The following TMEM69 variants were observed in gnomAD, a reference collection of about 807,000 sequenced individuals.
The protein encoded by TMEM69 is chromosome 1 open reading frame 154.
In TMEM69, 17 loss-of-function variants were observed where a neutral mutation model predicts 15.8. The observed-to-expected ratio is 1.07, with a 90% CI of 0.73 to 1.61. The LOEUF is 1.61. Ranked by LOEUF, TMEM69 falls within the 40% of genes most tolerant of loss-of-function variation. The pLI is 0.00. For missense variants in TMEM69, 230 were observed against 286.1 expected, an observed-to-expected ratio of 0.80 and a Z score of 1.41; for synonymous variants, 80 against 98.6, an observed-to-expected ratio of 0.81 and a Z score of 1.12.
intron 1 of TMEM69, among the ~76,000 whole-genome samples, chr1:45,688,688 A>G (rs754814481): frequency 5.3e-4 from 80 of 152,126 alleles, no homozygotes; most frequent in Middle Eastern, 3.4e-3. Flanking sequence ...CCTTAAGAAG[A>G]AAGTGATTTT....
rs1645356996 is a variant in TMEM69 at position 45,693,275 on chromosome 1, C to T, written c.114C>T (p.Leu38=). 6.2e-7 allele frequency: 1 copy of T among 1,613,940 alleles called. No homozygotes were observed. Among genetic ancestry groups the T allele is most frequent in the African/African-American group, 1.3e-5 (1 of 74,936 alleles). ...RTDILSLKMS[L]QQNFSPCPRP... ...ATATACTTTCTCTCAAGATGTCTCT[C>T]CAGCAAAACTTTTCCCCATGTCCAA... Residue 38 remains leucine (L), a synonymous_variant, in exon 3 of 3, where the codon CTC becomes CTT. Transcript: ENST00000372025.
chr1:45,694,254 T>TG lies in TMEM69; in HGVS notation c.*349_*350insG. 3.4e-6 allele frequency: 2 copies of TG among 580,418 alleles called. No individual in the cohort carries two copies. 36.0% of individuals were successfully genotyped at this position (580,418 alleles called of 1,614,324 possible). A position where few individuals can be genotyped will look rare whatever the true frequency, so the allele number is the denominator to read the frequency against. ...ATGGTAATTTATCTTCACAGATTGT[T>TG]CTTCATTTCTAGAAATTGTTACTTC... is the stretch of plus-strand genomic sequence containing the variant. On this transcript the variant is annotated 3_prime_UTR_variant, in exon 3 of 3. Coordinates refer to ENST00000372025, the MANE Select transcript of TMEM69 (RefSeq NM_016486.4).
At chr1:45,688,394 A>G (rs186026777) in intron 1 of TMEM69, 119 bp downstream of exon 1, 1,569 of 152,228 alleles carry the variant, frequency 0.01, 12 homozygotes, top group Non-Finnish European at 0.018. Flanking sequence ...GGGTTTCCCG[A>G]AGACACTGGC....
In TMEM69 at chr1:45,693,321, T is replaced by G; in HGVS notation, c.160T>G (p.Phe54Val). Reference protein sequence around the residue: ...PCPRPWLSSSFPAYMSKTQCY... With the variant: ...PCPRPWLSSSVPAYMSKTQCY... ...TCCAAGGCCTTGGCTTTCCTCATCA[T>G]TTCCAGCGTATATGAGCAAGACACA... is the stretch of plus-strand genomic sequence containing the variant. Residue 54 changes from phenylalanine (F) to valine (V), a missense_variant, in exon 3 of 3, where the codon TTT (phenylalanine) becomes GTT (valine). By Grantham distance (50) the Phe-to-Val change is conservative. Transcript: ENST00000372025. 6.2e-7 allele frequency: 1 copy of G among 1,614,192 alleles called. No individual in the cohort carries two copies. Among genetic ancestry groups the G allele is most frequent in the Non-Finnish European group, 8.5e-7 (1 of 1,180,034 alleles).
In TMEM69 at chr1:45,691,330, C is replaced by T. The variant is rs188415458; in HGVS notation, c.42+220C>T. On this transcript the variant is annotated intron_variant, in intron 2 of 2. Transcript: ENST00000372025. ...TTTGGCAGGCCGAGGTGGGTGGGAT[C>T]ACTTGAGCTCAAGGAGTTCAAGACC... Among the ~76,000 whole-genome samples the T allele has an allele frequency of 2.1e-3, 312 of 152,160 alleles. 2 individuals carry two copies. Among genetic ancestry groups the T allele is most frequent in the African/African-American group, 6.6e-3 (276 of 41,520 alleles).
chr1:45,693,953 C>T lies in TMEM69; in HGVS notation c.*48C>T, dbSNP rs776373549. The T allele has an allele frequency of 7.6e-7, 1 of 1,318,458 alleles. No individual in the cohort carries two copies. The allele number at this position is 1,318,458 out of a possible 1,614,324, so 81.7% of individuals were successfully genotyped here. ...GAGGAGCACCTCTGCCCAGCTGCTGCCCCGTCTGGGAAGTGAGGAGCGCCT... is the reference window on the plus strand; with the variant it reads ...GAGGAGCACCTCTGCCCAGCTGCTGTCCCGTCTGGGAAGTGAGGAGCGCCT... On this transcript the variant is annotated 3_prime_UTR_variant, in exon 3 of 3. Coordinates refer to ENST00000372025, the MANE Select transcript of TMEM69 (RefSeq NM_016486.4).
At chr1:45,691,315 C>G (rs1274351061) in intron 2 of TMEM69, among the ~76,000 whole-genome samples, 2 of 151,936 alleles carry the variant, frequency 1.3e-5, no homozygotes, top group Admixed American at 6.6e-5. Flanking sequence ...TTTGGCAGGC[C>G]GAGGTGGGTG....
intron 1 of TMEM69, among the ~76,000 whole-genome samples, 180 bp downstream of exon 1, chr1:45,688,455 G>A (rs1042698743): frequency 2.0e-5 from 3 of 152,138 alleles, no homozygotes; most frequent in Non-Finnish European, 4.4e-5. Flanking sequence ...CTGGCAGTTT[G>A]CAGTCTTCCC....
At chr1:45,690,458 C>G (rs570754144) in intron 1 of TMEM69, among the ~76,000 whole-genome samples, 2 of 152,084 alleles carry the variant, frequency 1.3e-5, no homozygotes, top group Non-Finnish European at 2.9e-5. Flanking sequence ...GCCAAGATCG[C>G]GCCACTGCAC....
intron 1 of TMEM69, 65 bp from the exon 2 acceptor site, chr1:45,690,909 T>C (rs564848517): frequency 2.9e-6 from 2 of 695,092 alleles, no homozygotes; most frequent in East Asian, 5.3e-5. Context: ...ATTCATGAAT[T>C]ACTACTATTT....
At chr1:45,692,068 A>C (rs1040906127) in intron 2 of TMEM69, among the ~76,000 whole-genome samples, 2 of 151,990 alleles carry the variant, frequency 1.3e-5, no homozygotes, top group African/African-American at 4.8e-5. Flanking sequence ...AATCGCTTGA[A>C]CCTGGGAGGC....
rs1339341385 is a variant in TMEM69, at chr1:45,691,120, T to C, written c.42+10T>C. On this transcript the variant is annotated intron_variant, in intron 2 of 2. Transcript: ENST00000372025. ...TCAAGCATCTTCAAAGGTTGGTTTG[T>C]TCAGCAGATATTTGAGCACTATTTG... 2 of 1,614,000 alleles carry C rather than the reference T, an allele frequency of 1.2e-6. No homozygotes were observed. The highest frequency in any genetic ancestry group is 1.1e-5 in the South Asian group (1 of 91,082).
At chr1:45,691,500 G>C (rs1010340561) in intron 2 of TMEM69, among the ~76,000 whole-genome samples, 2 of 151,882 alleles carry the variant, frequency 1.3e-5, no homozygotes, top group Non-Finnish European at 2.9e-5. Context: ...CTGAGATCAT[G>C]CCACTGCACT....
rs766291319 is a variant in TMEM69 at position 45,691,066 on chromosome 1, A to G, written c.-3A>G. 1.2e-6 allele frequency: 2 copies of G among 1,614,218 alleles called. No homozygotes were observed. The highest frequency in any genetic ancestry group is 2.2e-5 in the East Asian group (1 of 44,886). Reference sequence around the variant, plus strand: ...CTGAACAAGACTTTCAATAGGGGCCAGTATGCTTCGCTTCATCCAGAAGTT... The same window carrying G: ...CTGAACAAGACTTTCAATAGGGGCCGGTATGCTTCGCTTCATCCAGAAGTT... On this transcript the variant is annotated 5_prime_UTR_variant, in exon 2 of 3. Coordinates refer to ENST00000372025, the MANE Select transcript of TMEM69 (RefSeq NM_016486.4).
Position 45,693,444 on chromosome 1 carries a change from A to G in TMEM69, c.283A>G (p.Lys95Glu), listed in dbSNP as rs768079492. Residue 95 changes from lysine to glutamate, a missense_variant, in exon 3 of 3, where the codon AAG (lysine) becomes GAG (glutamate). Coordinates refer to ENST00000372025, the MANE Select transcript of TMEM69 (RefSeq NM_016486.4). Reference protein sequence around the residue: ...STITYLTDSPKPALCVTLAGL... With the variant: ...STITYLTDSPEPALCVTLAGL... ...CATCACTTACCTAACTGACAGCCCA[A>G]AGCCAGCATTATGTGTAACTCTGGC... The G allele has an allele frequency of 6.2e-7, 1 of 1,614,164 alleles. No individual in the cohort carries two copies.
In TMEM69 at chr1:45,694,039, A is replaced by C. The variant is rs1377721061; in HGVS notation, c.*134A>C. 8 of 582,694 alleles carry C rather than the reference A, an allele frequency of 1.4e-5. No individual in the cohort carries two copies. In the East Asian group the frequency reaches 2.3e-4, roughly 17 times the overall value. The allele number at this position is 582,694 out of a possible 1,614,324, so 36.1% of individuals were successfully genotyped here. A position where few individuals can be genotyped will look rare whatever the true frequency, so the allele number is the denominator to read the frequency against. Reference sequence around the variant, plus strand: ...AGCGCCTCTGCCCGGCCGCTGTGCAACCTTCCACGTGTGAAGTGACAGCCT... The same window carrying C: ...AGCGCCTCTGCCCGGCCGCTGTGCACCCTTCCACGTGTGAAGTGACAGCCT... On this transcript the variant is annotated 3_prime_UTR_variant, in exon 3 of 3. Coordinates refer to ENST00000372025, the MANE Select transcript of TMEM69 (RefSeq NM_016486.4).
chr1:45,693,151 A>G, intron 2 of TMEM69, 53 bp from the exon 3 acceptor site: 1 of 1,323,068 alleles, frequency 7.6e-7, no homozygotes, highest in African/African-American at 1.5e-5. Flanking sequence ...CTAAAATCTG[A>G]TGATACATAT....
Position 45,693,978 on chromosome 1 carries a change from T to C in TMEM69, c.*73T>C. The C allele has an allele frequency of 1.9e-6, 2 of 1,035,088 alleles. No individual in the cohort carries two copies. The highest frequency in any genetic ancestry group is 1.6e-5 in the African/African-American group (1 of 62,104). 64.1% of individuals were successfully genotyped at this position (1,035,088 alleles called of 1,614,324 possible). A position where few individuals can be genotyped will look rare whatever the true frequency, so the allele number is the denominator to read the frequency against. ...CCCCGTCTGGGAAGTGAGGAGCGCC[T>C]CTGCCTGGCCGCCTGACCATCTGGG... is the stretch of plus-strand genomic sequence containing the variant. On this transcript the variant is annotated 3_prime_UTR_variant, in exon 3 of 3. Transcript: ENST00000372025.
Position 45,693,824 on chromosome 1 carries a change from G to C in TMEM69, c.663G>C (p.Leu221Phe). The C allele has an allele frequency of 6.2e-7, 1 of 1,613,948 alleles. No individual in the cohort carries two copies. Among genetic ancestry groups the C allele is most frequent in the African/African-American group, 1.3e-5 (1 of 74,992 alleles). The change falls in exon 3 of 3, where the codon TTG becomes TTC. Residue 221 changes from leucine to phenylalanine, a missense_variant. Coordinates refer to ENST00000372025, the MANE Select transcript of TMEM69 (RefSeq NM_016486.4). The stretch of plus-strand genomic sequence containing the variant: ...CCCTGAGGATAGTAGTCACTTTATT[G>C]GCCACTTTTTCATTTATAATCACTT... ...FKALRIVVTL[L>F]ATFSFIITLV...
Sources: gnomAD v4.1 joint callset for allele counts (sites outside exome capture counted in the v4.1 genomes callset) on GRCh38, gnomAD v4.1.1 for gene constraint, MANE v1.5 for transcripts, NCBI Gene and HGNC (gene_info 2026-07-23, HGNC 2026-07-21) for gene names.